CCNH: variants seen among roughly 807,000 people sequenced by gnomAD.
CCNH encodes cyclin-H.
A neutral mutation model predicts 41.9 loss-of-function variants in CCNH; 31 were observed. The observed-to-expected ratio is 0.74, with a 90% CI of 0.56 to 1.00. The LOEUF is 1.00. CCNH is among the 50% of genes least tolerant of loss of function. The pLI, the probability that CCNH is intolerant of heterozygous loss-of-function variation, is 0.00. For synonymous variants in CCNH, 138 were observed against 136.1 expected, an observed-to-expected ratio of 1.01 and a Z score of -0.10; for missense variants, 362 against 388.4, an observed-to-expected ratio of 0.93 and a Z score of 0.57.
At position 87,338,536 on chromosome 5, in the gene CCNH, A is replaced by ATATATATATT; in HGVS notation, c.*91-19640_*91-19639insAATATATATA. 3.3e-3 allele frequency among the ~76,000 whole-genome samples: 277 copies of ATATATATATT among 85,146 alleles called. 4 individuals carry two copies. The highest frequency in any genetic ancestry group is 6.7e-3 in the South Asian group (17 of 2,554). The allele number at this position is 85,146 out of a possible 152,430, so 55.9% of individuals were successfully genotyped here. On this transcript the variant is annotated intron_variant and NMD_transcript_variant, in intron 9 of 9. Transcript: ENST00000645953. ...ATATATATATATATATATATATAAA[A>ATATATATATT]TTTTTTTTTTTTTTAAGTAGAAATG... is the stretch of plus-strand genomic sequence containing the variant.
intron 9 of CCNH, chr5:87,353,111 G>T: frequency 7.0e-7 from 1 of 1,436,590 alleles, no homozygotes; most frequent in Non-Finnish European, 9.8e-7. Flanking sequence ...TAAAGATTTT[G>T]CAGTTTTATG....
intron 8 of CCNH, chr5:87,394,750 A>C: frequency 7.5e-7 from 1 of 1,327,796 alleles, no homozygotes; most frequent in Admixed American, 3.6e-5. Flanking sequence ...TTTTTTTAAA[A>C]GGGGGTAAGG....
intron 9 of CCNH, among the ~76,000 whole-genome samples, chr5:87,330,082 T>C (rs1757500883): frequency 6.6e-6 from 1 of 152,162 alleles, no homozygotes; most frequent in African/African-American, 2.4e-5. Context: ...ATTTTGTTTG[T>C]TAAGTCGTAA....
chr5:87,340,876 A>G (rs1758381329), intron 9 of CCNH, among the ~76,000 whole-genome samples: 1 of 152,172 alleles, frequency 6.6e-6, no homozygotes. Flanking sequence ...AACAATTGGT[A>G]GTATGAGACA....
downstream of CCNH, among the ~76,000 whole-genome samples, chr5:87,315,826 A>G (rs756197655): frequency 2.0e-5 from 3 of 152,208 alleles, no homozygotes; most frequent in Non-Finnish European, 2.9e-5. Flanking sequence ...TTTTACTTCA[A>G]AAACAATGTT....
intron 9 of CCNH, among the ~76,000 whole-genome samples, chr5:87,334,032 A>T (rs1262917424): frequency 2.0e-5 from 3 of 152,176 alleles, no homozygotes; most frequent in African/African-American, 4.8e-5. Flanking sequence ...AGTGTGTTTC[A>T]TGTAACTATG....
chr5:87,377,137 A>C lies in CCNH; in HGVS notation n.44T>G, dbSNP rs546395357. The stretch of plus-strand genomic sequence containing the variant: ...ATCTCTGAATATACTAAATTGTTAA[A>C]TTATATTGCAAAATAAGTTATTCTG... On this transcript the variant is annotated non_coding_transcript_exon_variant, in exon 1 of 1. Coordinates refer to the CCNH transcript ENST00000607486. 129 of 1,428,344 alleles carry C rather than the reference A, an allele frequency of 9.0e-5. No homozygotes were observed. The African/African-American group carries it at 1.7e-3, about 18-fold the overall frequency. 88.5% of individuals were successfully genotyped at this position (1,428,344 alleles called of 1,614,324 possible). A position where few individuals can be genotyped will look rare whatever the true frequency, so the allele number is the denominator to read the frequency against.
chr5:87,352,492 T>A (rs138573530), intron 9 of CCNH, among the ~76,000 whole-genome samples: 2 of 151,898 alleles, frequency 1.3e-5, no homozygotes, highest in Non-Finnish European at 2.9e-5. Flanking sequence ...GAAACAACTT[T>A]ATATTTAAAA....
chr5:87,319,352 C>T (rs928996685), intron 9 of CCNH, among the ~76,000 whole-genome samples: 5 of 152,204 alleles, frequency 3.3e-5, no homozygotes, highest in African/African-American at 1.2e-4. Context: ...TCTGCACTGC[C>T]CTAGTAGAGG....
upstream of CCNH, among the ~76,000 whole-genome samples, chr5:87,378,956 C>CA (rs1232733532): frequency 6.6e-6 from 1 of 151,768 alleles, no homozygotes; most frequent in African/African-American, 2.4e-5. Context: ...TCAACTAAAA[C>CA]AAAAAAATCT....
At chr5:87,395,421 A>G (rs1762876859) in intron 7 of CCNH, among the ~76,000 whole-genome samples, 1 of 152,224 alleles carries the variant, frequency 6.6e-6, no homozygotes, top group Non-Finnish European at 1.5e-5. Context: ...TGTCCCAGTT[A>G]TCTTTAAAGC....
At chr5:87,356,130 G>C (rs1030661870) in intron 9 of CCNH, among the ~76,000 whole-genome samples, 1 of 152,188 alleles carries the variant, frequency 6.6e-6, no homozygotes, top group Non-Finnish European at 1.5e-5. Context: ...AAAGCAGCAA[G>C]AGGGTTTGGG....
intron 9 of CCNH, among the ~76,000 whole-genome samples, chr5:87,323,131 TA>T (rs1307674297): frequency 6.6e-6 from 1 of 152,144 alleles, no homozygotes; most frequent in African/African-American, 2.4e-5. Flanking sequence ...TGTGAATAAA[TA>T]CAGAAATGGA....
In CCNH at chr5:87,394,340, T is replaced by C; in HGVS notation, c.*106A>G. 6.9e-7 allele frequency: 1 copy of C among 1,444,890 alleles called. No homozygotes were observed. Among genetic ancestry groups the C allele is most frequent in the Non-Finnish European group, 9.2e-7 (1 of 1,090,962 alleles). The allele number at this position is 1,444,890 out of a possible 1,614,324, so 89.5% of individuals were successfully genotyped here. A position where few individuals can be genotyped will look rare whatever the true frequency, so the allele number is the denominator to read the frequency against. On this transcript the variant is annotated 3_prime_UTR_variant, in exon 9 of 9. Coordinates refer to ENST00000256897, the MANE Select transcript of CCNH (RefSeq NM_001239.4). ...GGGAAAGAAAACAATAGAAAAGTTT[T>C]AATATATTTTATGTTTTCACATTAT...
intron 9 of CCNH, among the ~76,000 whole-genome samples, chr5:87,335,485 G>A (rs1479802899): frequency 7.1e-6 from 1 of 140,422 alleles, no homozygotes; most frequent in African/African-American, 2.7e-5. Flanking sequence ...GAGTGCAATG[G>A]TGCCATCTTG....
At chr5:87,346,079 A>T (rs1384929737) in intron 9 of CCNH, among the ~76,000 whole-genome samples, 5 of 152,088 alleles carry the variant, frequency 3.3e-5, no homozygotes, top group Non-Finnish European at 7.4e-5. Context: ...TTAATTTAAG[A>T]ATACAGAATA....
intron 6 of CCNH, among the ~76,000 whole-genome samples, chr5:87,400,231 C>T (rs1763297230): frequency 6.6e-6 from 1 of 152,180 alleles, no homozygotes; most frequent in Admixed American, 6.5e-5. Flanking sequence ...TTTCATAATG[C>T]AAACAAAGCA....
chr5:87,358,519 C>A (rs768717995), intron 9 of CCNH, among the ~76,000 whole-genome samples: 2 of 152,160 alleles, frequency 1.3e-5, no homozygotes, highest in Non-Finnish European at 2.9e-5. Flanking sequence ...CAAAGTATGT[C>A]TAGAATATGA....
upstream of CCNH, among the ~76,000 whole-genome samples, chr5:87,377,618 CTTGT>C (rs1404938909): frequency 6.6e-6 from 1 of 151,972 alleles, no homozygotes; most frequent in Non-Finnish European, 1.5e-5. Context: ...GGTTACAGGT[CTTGT>C]TTAATTTTTA....
Sources: allele counts gnomAD v4.1 joint callset (sites outside exome capture counted in the v4.1 genomes callset), GRCh38; gene constraint gnomAD v4.1.1; transcripts MANE v1.5; gene names NCBI Gene and HGNC (gene_info 2026-07-23, HGNC 2026-07-21).